The following LRBA variants were observed in gnomAD, a reference collection of about 807,000 sequenced individuals.
The protein encoded by LRBA is lipopolysaccharide-responsive and beige-like anchor protein.
In LRBA, 176 loss-of-function variants were observed where a neutral mutation model predicts 330.0. The ratio of observed to expected loss-of-function variants is 0.53; its 90% CI spans 0.47 to 0.60. The LOEUF (loss-of-function observed/expected upper bound fraction) is 0.60. Among genes scored for constraint, LRBA ranks in the 20% least tolerant of loss-of-function variants. The pLI is 0.00. For synonymous variants in LRBA, 1,230 were observed against 1,193.0 expected (o/e 1.03, Z -0.64); for missense variants, 3,259 against 3,444.8 (o/e 0.95, Z 1.35).
In LRBA at chr4:150,588,168, G is replaced by A; in HGVS notation, c.6210C>T (p.Ser2070=). The change falls in exon 40 of 57, where the codon AGC becomes AGT. Residue 2070 remains serine, a synonymous_variant. Coordinates refer to ENST00000651943, the MANE Select transcript of LRBA (RefSeq NM_001364905.1). ...LENLAGPVSL[S]TPAQLVAPSV... is the part of the protein sequence containing the mutation. ...AGGGGGCCACAAGCTGAGCTGGTGT[G>A]CTCAGGCTAACAGGACCTGCCAAAA... The A allele has an allele frequency of 6.2e-7, 1 of 1,602,740 alleles. No individual in the cohort carries two copies. The highest frequency in any genetic ancestry group is 8.5e-7 in the Non-Finnish European group (1 of 1,175,782).
chr4:150,372,163 TAATAC>T (rs1185945415), intron 47 of LRBA, among the ~76,000 whole-genome samples: 1 of 152,192 alleles, frequency 6.6e-6, no homozygotes, highest in Non-Finnish European at 1.5e-5. Context: ...ATTACAAAGA[TAATAC>T]AATAAAAACA....
intron 36 of LRBA, among the ~76,000 whole-genome samples, chr4:150,733,335 G>A (rs1730738722): frequency 6.6e-6 from 1 of 151,966 alleles, no homozygotes; most frequent in African/African-American, 2.4e-5. Flanking sequence ...GACAGAGAAT[G>A]TGCTTAGGAA....
intron 9 of LRBA, among the ~76,000 whole-genome samples, chr4:150,911,159 C>G (rs1199344375): frequency 6.6e-6 from 1 of 152,134 alleles, no homozygotes; most frequent in Non-Finnish European, 1.5e-5. Flanking sequence ...CTCTTCCCTT[C>G]CAATTTAGAT....
chr4:150,556,457 T>G (rs1349315006), intron 40 of LRBA, among the ~76,000 whole-genome samples: 1 of 152,218 alleles, frequency 6.6e-6, no homozygotes, highest in South Asian at 2.1e-4. Flanking sequence ...GCATCCTACA[T>G]AGTTGGCATA....
At chr4:150,832,932 G>T (rs1037922066) in intron 28 of LRBA, among the ~76,000 whole-genome samples, 1 of 151,980 alleles carries the variant, frequency 6.6e-6, no homozygotes. Flanking sequence ...ACCACATCCA[G>T]CTAATTTTTG....
intron 37 of LRBA, among the ~76,000 whole-genome samples, chr4:150,661,078 T>TTA (rs759002123): frequency 1.9e-5 from 2 of 102,624 alleles, no homozygotes; most frequent in South Asian, 3.3e-4. Flanking sequence ...AAAAATAAAT[T>TTA]AAAAAAAAAA....
At chr4:150,936,987 C>T (rs1735143031) in intron 2 of LRBA, among the ~76,000 whole-genome samples, 1 of 152,068 alleles carries the variant, frequency 6.6e-6, no homozygotes, top group Admixed American at 6.5e-5. Flanking sequence ...TCAATCATTC[C>T]TATAAGTAAC....
chr4:150,659,173 C>T (rs1780685411), intron 37 of LRBA, among the ~76,000 whole-genome samples: 2 of 126,906 alleles, frequency 1.6e-5, no homozygotes, highest in African/African-American at 2.8e-5. Context: ...TCTGCCTGGC[C>T]GCCCATCGTC....
chr4:150,707,265 G>A (rs72736399), intron 36 of LRBA, among the ~76,000 whole-genome samples: 146 of 151,604 alleles, frequency 9.6e-4, no homozygotes, highest in Non-Finnish European at 1.5e-3. Flanking sequence ...TGAATAGATT[G>A]AAAAATTTTA....
intron 40 of LRBA, among the ~76,000 whole-genome samples, chr4:150,586,729 C>T (rs1331853285): frequency 4.6e-5 from 7 of 152,152 alleles, no homozygotes; most frequent in Admixed American, 4.6e-4. Context: ...CCTAATCTCA[C>T]ACATTGGCAG....
At chr4:150,313,147 T>C (rs1731277902) in intron 51 of LRBA, among the ~76,000 whole-genome samples, 1 of 152,114 alleles carries the variant, frequency 6.6e-6, no homozygotes, top group Non-Finnish European at 1.5e-5. Context: ...AATCAATTTT[T>C]TAAAGTTAAC....
At chr4:150,784,608 C>T (rs978629203) in intron 34 of LRBA, among the ~76,000 whole-genome samples, 2 of 152,232 alleles carry the variant, frequency 1.3e-5, no homozygotes, top group Non-Finnish European at 2.9e-5. Flanking sequence ...ACACCACCTC[C>T]TCCAGCCTCT....
intron 47 of LRBA, among the ~76,000 whole-genome samples, chr4:150,358,656 G>A (rs1288644767): frequency 6.6e-6 from 1 of 152,046 alleles, no homozygotes; most frequent in Non-Finnish European, 1.5e-5. Context: ...ATTTAAAGTG[G>A]TCAATTATCC....
intron 11 of LRBA, among the ~76,000 whole-genome samples, chr4:150,907,681 C>G (rs1731500206): frequency 6.6e-6 from 1 of 151,980 alleles, no homozygotes; most frequent in African/African-American, 2.4e-5. Context: ...AATTTCAATA[C>G]AAATGAAACA....
At chr4:150,957,753 A>G (rs1470486926) in intron 2 of LRBA, among the ~76,000 whole-genome samples, 1 of 149,034 alleles carries the variant, frequency 6.7e-6, no homozygotes, top group Non-Finnish European at 1.5e-5. Context: ...GGGTAAATAC[A>G]CTCATTCCAA....
intron 47 of LRBA, among the ~76,000 whole-genome samples, chr4:150,413,456 G>T (rs1747299750): frequency 2.0e-5 from 3 of 151,948 alleles, no homozygotes; most frequent in South Asian, 4.2e-4. Context: ...GCAATACAAA[G>T]AAATTAACTA....
intron 42 of LRBA, 98 bp downstream of exon 42, chr4:150,487,634 T>A: frequency 1.8e-6 from 1 of 567,924 alleles, no homozygotes. Context: ...AGTGAGAACA[T>A]TAATACAGAT....
intron 36 of LRBA, among the ~76,000 whole-genome samples, chr4:150,734,076 C>G (rs1323326891): frequency 1.3e-5 from 2 of 152,078 alleles, no homozygotes; most frequent in Non-Finnish European, 2.9e-5. Flanking sequence ...AAAGAGATGA[C>G]TTTAATCATT....
At chr4:150,493,914 T>C (rs911903138) in intron 40 of LRBA, among the ~76,000 whole-genome samples, 2 of 152,042 alleles carry the variant, frequency 1.3e-5, no homozygotes, top group African/African-American at 2.4e-5. Context: ...CAAGACCTCA[T>C]CTCTACAAAA....
Sources: allele counts gnomAD v4.1 joint callset (sites outside exome capture counted in the v4.1 genomes callset), GRCh38; gene constraint gnomAD v4.1.1; transcripts MANE v1.5; gene names NCBI Gene and HGNC (gene_info 2026-07-23, HGNC 2026-07-21).